Variants in INSYN2B observed in about 807,000 individuals in gnomAD.
INSYN2B encodes inhibitory synaptic factor family member 2B.
INSYN2B carries 16 observed loss-of-function variants against 41.2 expected under a neutral mutation model. The observed-to-expected ratio is 0.39, with a 90% confidence interval of 0.26 to 0.59. The LOEUF (loss-of-function observed/expected upper bound fraction) is 0.59, where lower values mean the gene tolerates loss of function less well. INSYN2B is among the 20% of genes least tolerant of loss of function. INSYN2B has a pLI of 0.57. For missense variants in INSYN2B, 608 were observed against 646.4 expected, an observed-to-expected ratio of 0.94 and a Z score of 0.64; for synonymous variants, 245 against 244.4, an observed-to-expected ratio of 1.00 and a Z score of -0.02.
At position 169,861,777 on chromosome 5, in the gene INSYN2B, A is replaced by G. The variant is rs1026629849; in HGVS notation, c.*2496T>C. 6.6e-6 allele frequency among the ~76,000 whole-genome samples: 1 copy of G among 152,274 alleles called. No individual in the cohort carries two copies. Among genetic ancestry groups the G allele is most frequent in the Admixed American group, 6.5e-5 (1 of 15,288 alleles). ...TATGGAATCCTATTTCCTCATAATG[A>G]TTTTAAATATCAATTTTTCAGAAGA... is the stretch of plus-strand genomic sequence containing the variant. On this transcript the variant is annotated 3_prime_UTR_variant, in exon 4 of 4. Coordinates refer to ENST00000377365, the MANE Select transcript of INSYN2B (RefSeq NM_001129891.3).
rs1773136260 is a variant in INSYN2B, at chr5:169,889,023, A to G, written c.-918-4207T>C. On this transcript the variant is annotated intron_variant, in intron 1 of 3. Transcript: ENST00000377365. Reference sequence around the variant, plus strand: ...GATCTGCTGACTTCTAGCCTCTTCAACTAGACTCTAAGCTCCTTGAGAGAC... The same window carrying G: ...GATCTGCTGACTTCTAGCCTCTTCAGCTAGACTCTAAGCTCCTTGAGAGAC... Among the ~76,000 whole-genome samples the G allele has an allele frequency of 2.0e-5, 3 of 152,184 alleles. No homozygotes were observed. The South Asian group carries it at 6.2e-4, about 31-fold the overall frequency.
chr5:169,925,834 G>A (rs1366091533), intron 1 of INSYN2B, among the ~76,000 whole-genome samples: 2 of 152,226 alleles, frequency 1.3e-5, no homozygotes, highest in Non-Finnish European at 2.9e-5. Context: ...TATTATCACT[G>A]TTTCTGGAAT....
intron 1 of INSYN2B, among the ~76,000 whole-genome samples, chr5:169,971,287 C>G (rs552619989): frequency 6.6e-6 from 1 of 152,134 alleles, no homozygotes; most frequent in East Asian, 1.9e-4. Context: ...AGAGAAGGAG[C>G]CAGCCTGCCG....
At chr5:169,877,637 T>C (rs1182399434) in intron 3 of INSYN2B, among the ~76,000 whole-genome samples, 8 of 152,060 alleles carry the variant, frequency 5.3e-5, no homozygotes, top group African/African-American at 9.7e-5. Context: ...AATGTCTGCA[T>C]GTAGTTGCTT....
intron 1 of INSYN2B, among the ~76,000 whole-genome samples, chr5:169,930,773 C>T (rs3912298): frequency 2.0e-5 from 3 of 152,160 alleles, no homozygotes; most frequent in African/African-American, 7.2e-5. Context: ...GGGTGAGCCT[C>T]CATTTCCAGG....
At chr5:169,911,781 G>A (rs995018749) in intron 1 of INSYN2B, among the ~76,000 whole-genome samples, 1 of 152,126 alleles carries the variant, frequency 6.6e-6, no homozygotes, top group Non-Finnish European at 1.5e-5. Context: ...GTGGCATATT[G>A]GGTCACCAAG....
chr5:169,944,874 G>T (rs1199679949), intron 1 of INSYN2B, among the ~76,000 whole-genome samples: 2 of 152,196 alleles, frequency 1.3e-5, no homozygotes, highest in African/African-American at 2.4e-5. Flanking sequence ...TGCTCAGAAT[G>T]CTTCATTTTC....
intron 1 of INSYN2B, among the ~76,000 whole-genome samples, chr5:169,961,050 C>T (rs1777066698): frequency 6.6e-6 from 1 of 152,184 alleles, no homozygotes; most frequent in Non-Finnish European, 1.5e-5. Context: ...TCATGGTAAA[C>T]ACCCCAGTAT....
At chr5:169,905,627 A>G (rs879696895) in intron 1 of INSYN2B, among the ~76,000 whole-genome samples, 18 of 152,180 alleles carry the variant, frequency 1.2e-4, no homozygotes, top group Admixed American at 9.8e-4. Flanking sequence ...TGGAACTGAA[A>G]TAGAGAGGGA....
At position 169,869,912 on chromosome 5, in the gene INSYN2B, C is replaced by T. The variant is rs368555988; in HGVS notation, c.1422-5453G>A. Among the ~76,000 whole-genome samples, 563 of 152,298 alleles carry T rather than the reference C, an allele frequency of 3.7e-3. 38 individuals carry two copies. In the South Asian group the frequency reaches 0.11, roughly 30 times the overall value. On this transcript the variant is annotated intron_variant, in intron 3 of 3. Coordinates refer to ENST00000377365, the MANE Select transcript of INSYN2B (RefSeq NM_001129891.3). ...TTTCACATATGCTGTATATTCCATG[C>T]AGGATCGTAAGAAGGAAGATAGGTG...
chr5:169,958,228 C>CA (rs34936678), intron 1 of INSYN2B, among the ~76,000 whole-genome samples: 44 of 150,394 alleles, frequency 2.9e-4, no homozygotes, highest in Admixed American at 1.3e-3. Flanking sequence ...CTTTGTTTTG[C>CA]AAAAAAAAAA....
At chr5:169,914,136 G>T (rs902688405) in intron 1 of INSYN2B, among the ~76,000 whole-genome samples, 21 of 152,218 alleles carry the variant, frequency 1.4e-4, no homozygotes, top group African/African-American at 5.1e-4. Context: ...TATACATCCT[G>T]AAGACAACCC....
intron 1 of INSYN2B, among the ~76,000 whole-genome samples, chr5:169,938,201 A>G (rs1337799361): frequency 1.3e-5 from 2 of 152,108 alleles, no homozygotes; most frequent in Non-Finnish European, 2.9e-5. Flanking sequence ...TGCCACCTTA[A>G]AGAAATCTTT....
intron 1 of INSYN2B, among the ~76,000 whole-genome samples, chr5:169,912,417 G>A (rs188961617): frequency 1.1e-3 from 163 of 152,146 alleles, no homozygotes; most frequent in African/African-American, 3.8e-3. Context: ...ACTTGCGAAG[G>A]GTCTTTAATA....
At chr5:169,952,006 T>C (rs183292534) in intron 1 of INSYN2B, among the ~76,000 whole-genome samples, 1 of 152,336 alleles carries the variant, frequency 6.6e-6, no homozygotes, top group East Asian at 1.9e-4. Flanking sequence ...TTGTTGGTGC[T>C]GATGGTTAAA....
intron 1 of INSYN2B, among the ~76,000 whole-genome samples, chr5:169,964,039 G>A (rs1450132068): frequency 6.6e-6 from 1 of 152,082 alleles, no homozygotes; most frequent in East Asian, 1.9e-4. Context: ...AGGGAGAAGG[G>A]GGAGGAGAAT....
At chr5:169,947,845 C>A (rs259916) in intron 1 of INSYN2B, among the ~76,000 whole-genome samples, 114,766 of 151,908 alleles carry the variant, frequency 0.76, 44,407 homozygotes, top group African/African-American at 0.94. Flanking sequence ...GCATAAATAC[C>A]TACAGCATAC....
chr5:169,886,063 A>T (rs1772951614), intron 1 of INSYN2B, among the ~76,000 whole-genome samples: 2 of 152,176 alleles, frequency 1.3e-5, no homozygotes, highest in Admixed American at 6.5e-5. Flanking sequence ...GTTGCTAAGA[A>T]CAAGGGTAAA....
At chr5:169,943,270 A>G (rs1308407160) in intron 1 of INSYN2B, among the ~76,000 whole-genome samples, 3 of 152,174 alleles carry the variant, frequency 2.0e-5, no homozygotes, top group Non-Finnish European at 4.4e-5. Flanking sequence ...AAGAAAACCC[A>G]GGATTCTGGG....
Sources: gnomAD v4.1 joint callset for allele counts (sites outside exome capture counted in the v4.1 genomes callset) on GRCh38, gnomAD v4.1.1 for gene constraint, MANE v1.5 for transcripts, NCBI Gene and HGNC (gene_info 2026-07-23, HGNC 2026-07-21) for gene names.